Variants in EYS observed in about 807,000 individuals in gnomAD.
EYS encodes the protein protein eyes shut homolog.
Under a neutral mutation model 282.1 loss-of-function variants are expected in EYS, and 250 were observed. The ratio of observed to expected loss-of-function variants is 0.89; its 90% CI spans 0.80 to 0.98. EYS has a LOEUF of 0.98. EYS is among the 50% of genes least tolerant of loss of function. The probability of loss-of-function intolerance (pLI) is 0.00; values close to 1 mark genes in which losing one functional copy is unlikely to be tolerated. For synonymous variants in EYS, 1,355 were observed against 1,282.9 expected (o/e 1.06, Z -1.20); for missense variants, 4,016 against 3,709.0 (o/e 1.08, Z -2.15).
intron 8 of EYS, among the ~76,000 whole-genome samples, chr6:65,379,145 C>T (rs1405118860): frequency 1.3e-5 from 2 of 152,032 alleles, no homozygotes; most frequent in African/African-American, 4.8e-5. Flanking sequence ...ATTCCAAAAC[C>T]TGGAAGAGAC....
intron 12 of EYS, among the ~76,000 whole-genome samples, chr6:65,126,491 G>A (rs984666484): frequency 1.1e-4 from 16 of 152,112 alleles, no homozygotes; most frequent in African/African-American, 3.6e-4. Flanking sequence ...TTTGTTGCAT[G>A]TAGTTTTTAA....
At position 64,358,669 on chromosome 6, in the gene EYS, G is replaced by T. The variant is rs184564514; in HGVS notation, c.6078+30021C>A. Among the ~76,000 whole-genome samples the T allele has an allele frequency of 2.5e-3, 385 of 151,704 alleles. 3 individuals carry two copies. The highest frequency in any genetic ancestry group is 8.7e-3 in the African/African-American group (359 of 41,456). ...AAAACCAAGTCACACGGTTTATGGC[G>T]TATGGCAAATATACATGCAGATAGG... On this transcript the variant is annotated intron_variant, in intron 29 of 42. Coordinates refer to ENST00000503581, the MANE Select transcript of EYS (RefSeq NM_001142800.2).
intron 5 of EYS, among the ~76,000 whole-genome samples, chr6:65,447,845 T>A (rs899260419): frequency 1.1e-4 from 11 of 102,072 alleles, no homozygotes; most frequent in Non-Finnish European, 2.3e-4. Flanking sequence ...GGAAAAGTAG[T>A]TAGTTGTCTA....
In EYS at chr6:65,081,487, T is replaced by C. The variant is rs116338982; in HGVS notation, c.2024-23760A>G. Among the ~76,000 whole-genome samples, 1,088 of 152,186 alleles carry C rather than the reference T, an allele frequency of 7.1e-3. 17 individuals carry two copies. Among genetic ancestry groups the C allele is most frequent in the African/African-American group, 0.025 (1,029 of 41,548 alleles). Reference sequence around the variant, plus strand: ...CTTTGCTCTATTATATAAAATACTATCATTTGGAACTGAAACTTCTCAATA... The same window carrying C: ...CTTTGCTCTATTATATAAAATACTACCATTTGGAACTGAAACTTCTCAATA... On this transcript the variant is annotated intron_variant, in intron 12 of 42. Coordinates refer to ENST00000503581, the MANE Select transcript of EYS (RefSeq NM_001142800.2).
chr6:64,929,003 G>A (rs1768611754), intron 15 of EYS, among the ~76,000 whole-genome samples: 1 of 152,066 alleles, frequency 6.6e-6, no homozygotes, highest in South Asian at 2.1e-4. Context: ...GAAGGTGTTG[G>A]GGTTGAATTG....
At chr6:64,929,248 C>T (rs1768626207) in intron 15 of EYS, among the ~76,000 whole-genome samples, 1 of 151,972 alleles carries the variant, frequency 6.6e-6, no homozygotes, top group Non-Finnish European at 1.5e-5. Flanking sequence ...TCTTCAGAAG[C>T]CAAGGGATGC....
intron 12 of EYS, among the ~76,000 whole-genome samples, chr6:65,289,589 C>T (rs922199718): frequency 6.6e-5 from 10 of 151,020 alleles, no homozygotes; most frequent in South Asian, 2.1e-4. Flanking sequence ...GAAGTATATG[C>T]GTAAGGTAAA....
At chr6:65,171,811 A>G (rs1307604097) in intron 12 of EYS, among the ~76,000 whole-genome samples, 1 of 151,516 alleles carries the variant, frequency 6.6e-6, no homozygotes, top group Non-Finnish European at 1.5e-5. Flanking sequence ...AATTCTATAC[A>G]TGACTGAAAG....
At chr6:64,857,460 C>A (rs1418590334) in intron 19 of EYS, among the ~76,000 whole-genome samples, 1 of 152,124 alleles carries the variant, frequency 6.6e-6, no homozygotes, top group African/African-American at 2.4e-5. Flanking sequence ...GAATAGTATT[C>A]CATTGTGTAT....
At chr6:65,182,387 T>C (rs984191227) in intron 12 of EYS, among the ~76,000 whole-genome samples, 9 of 151,584 alleles carry the variant, frequency 5.9e-5, no homozygotes, top group African/African-American at 1.9e-4. Flanking sequence ...TTTAAAAGTT[T>C]TGTTTTTTTA....
At chr6:64,528,530 T>G (rs1777997304) in intron 26 of EYS, among the ~76,000 whole-genome samples, 1 of 151,998 alleles carries the variant, frequency 6.6e-6, no homozygotes, top group Admixed American at 6.6e-5. Flanking sequence ...TCCTGGAATG[T>G]GTTTTGCTTT....
rs185712016 is a variant in EYS at position 65,180,218 on chromosome 6, G to A, written c.2023+115645C>T. 2.8e-4 allele frequency among the ~76,000 whole-genome samples: 43 copies of A among 152,106 alleles called. No homozygotes were observed. The East Asian group carries it at 7.8e-3, about 28-fold the overall frequency. ...AAGTTCTGGCCAGGGAAGTCAGGCA[G>A]GAGAAGGAAATAAAGGGTATTCAAT... On this transcript the variant is annotated intron_variant, in intron 12 of 42. Coordinates refer to ENST00000503581, the MANE Select transcript of EYS (RefSeq NM_001142800.2).
intron 15 of EYS, among the ~76,000 whole-genome samples, chr6:64,945,125 A>T (rs77367795): frequency 4.8e-4 from 51 of 105,456 alleles, no homozygotes; most frequent in Middle Eastern, 4.6e-3. Context: ...TTTCTCTATT[A>T]AAAAAAAAAA....
intron 30 of EYS, among the ~76,000 whole-genome samples, chr6:64,264,950 G>A (rs1473158156): frequency 1.3e-5 from 2 of 152,168 alleles, no homozygotes; most frequent in South Asian, 2.1e-4. Context: ...CAACGGCATG[G>A]ATATAGGAAG....
chr6:64,237,874 C>T (rs1582467954), intron 30 of EYS, among the ~76,000 whole-genome samples: 1 of 151,970 alleles, frequency 6.6e-6, no homozygotes, highest in East Asian at 1.9e-4. Flanking sequence ...TGCAAAATTA[C>T]TGTTAGTACA....
At chr6:65,501,880 A>C (rs932053805) in intron 2 of EYS, among the ~76,000 whole-genome samples, 2 of 151,672 alleles carry the variant, frequency 1.3e-5, no homozygotes, top group Non-Finnish European at 3.0e-5. Flanking sequence ...AATGGATGAG[A>C]CCATAGCATC....
intron 14 of EYS, among the ~76,000 whole-genome samples, 192 bp downstream of exon 14, chr6:64,997,390 A>C (rs190357926): frequency 3.9e-5 from 6 of 152,212 alleles, no homozygotes; most frequent in Non-Finnish European, 8.8e-5. Flanking sequence ...AGAGTGGAGA[A>C]TAGAACATGT....
chr6:65,098,902 AAAT>A (rs977106743), intron 12 of EYS, among the ~76,000 whole-genome samples: 5 of 150,798 alleles, frequency 3.3e-5, no homozygotes, highest in South Asian at 2.1e-4. Context: ...AAGTTTAAAA[AAAT>A]AATAACAATT....
intron 23 of EYS, among the ~76,000 whole-genome samples, chr6:64,623,484 A>G (rs1410227457): frequency 1.3e-5 from 2 of 152,112 alleles, no homozygotes; most frequent in East Asian, 1.9e-4. Context: ...TGAAAACTTA[A>G]TTAGTTAATA....
Sources: gnomAD v4.1 joint callset for allele counts (sites outside exome capture counted in the v4.1 genomes callset) on GRCh38, gnomAD v4.1.1 for gene constraint, MANE v1.5 for transcripts, NCBI Gene and HGNC (gene_info 2026-07-23, HGNC 2026-07-21) for gene names.